GCLC: variants seen among roughly 807,000 people sequenced by gnomAD.
GCLC encodes the protein glutamate-cysteine ligase catalytic subunit, also known as glutamate--cysteine ligase catalytic subunit.
Under a neutral mutation model 81.5 loss-of-function variants are expected in GCLC, and 30 were observed. The observed-to-expected ratio is 0.37, with a 90% CI of 0.28 to 0.50. The LOEUF is 0.50. GCLC is among the 20% of genes least tolerant of loss of function. GCLC has a pLI of 0.96. For missense variants in GCLC, 556 were observed against 777.4 expected, an observed-to-expected ratio of 0.72 and a Z score of 3.39; for synonymous variants, 262 against 273.3, an observed-to-expected ratio of 0.96 and a Z score of 0.41.
At chr6:53,517,266 T>G (rs1444057635) in intron 3 of GCLC, among the ~76,000 whole-genome samples, 1 of 134,272 alleles carries the variant, frequency 7.4e-6, no homozygotes, top group Non-Finnish European at 1.6e-5. Context: ...TTTTTTTTTT[T>G]TTTTTTTTTT....
At position 53,544,752 on chromosome 6, in the gene GCLC, C is replaced by T; in HGVS notation, c.-107G>A. ...CGCAGAAGGCGGCTGCCGCTCCACC[C>T]CGCGGGGGCGCTCTCGGGCCGCAGT... On this transcript the variant is annotated 5_prime_UTR_variant, in exon 1 of 16. Coordinates refer to ENST00000650454, the MANE Select transcript of GCLC (RefSeq NM_001498.4). The T allele has an allele frequency of 8.8e-7, 1 of 1,130,054 alleles. No homozygotes were observed. The highest frequency in any genetic ancestry group is 1.2e-6 in the Non-Finnish European group (1 of 827,468). 70.0% of individuals were successfully genotyped at this position (1,130,054 alleles called of 1,614,324 possible).
chr6:53,536,020 G>C (rs1763251423), intron 1 of GCLC, among the ~76,000 whole-genome samples: 1 of 152,110 alleles, frequency 6.6e-6, no homozygotes, highest in Admixed American at 6.5e-5. Flanking sequence ...TTTTATAATA[G>C]TGAAAAACTG....
chr6:53,515,110 G>A (rs923571683), intron 4 of GCLC, among the ~76,000 whole-genome samples: 1 of 152,202 alleles, frequency 6.6e-6, no homozygotes, highest in Non-Finnish European at 1.5e-5. Context: ...GTGAGTAAAG[G>A]ATTACATGGA....
chr6:53,529,339 A>G (rs1763134833), intron 1 of GCLC, among the ~76,000 whole-genome samples: 1 of 152,194 alleles, frequency 6.6e-6, no homozygotes, highest in Admixed American at 6.5e-5. Context: ...TTTTAAAAAC[A>G]TCATGCTACC....
At chr6:53,534,586 G>T (rs566473614) in intron 1 of GCLC, among the ~76,000 whole-genome samples, 3 of 152,144 alleles carry the variant, frequency 2.0e-5, no homozygotes, top group African/African-American at 7.2e-5. Context: ...GGGAAAATCA[G>T]TGGGCCCTAC....
Position 53,506,766 on chromosome 6 carries a change from G to C in GCLC, c.1197+147C>G, listed in dbSNP as rs533787911. ...TCTTTACTGCACTGGGTAAATGAAA[G>C]TCTTATGAAATTTCTTTTGTGTTCT... is the stretch of plus-strand genomic sequence containing the variant. On this transcript the variant is annotated intron_variant, in intron 10 of 15. Transcript: ENST00000650454. The surrounding 1 kb of genome is among the most constrained non-coding windows in gnomAD (Gnocchi z 4.0). 79 of 655,448 alleles carry C rather than the reference G, an allele frequency of 1.2e-4. No individual in the cohort carries two copies. The African/African-American group carries it at 1.4e-3, about 12-fold the overall frequency. The allele number at this position is 655,448 out of a possible 1,614,324, so 40.6% of individuals were successfully genotyped here.
At chr6:53,525,408 T>C (rs919449248) in intron 1 of GCLC, among the ~76,000 whole-genome samples, 1 of 152,214 alleles carries the variant, frequency 6.6e-6, no homozygotes, top group African/African-American at 2.4e-5. Context: ...AGTGATACAT[T>C]AAGACAACGA....
At chr6:53,527,075 G>A (rs764725135) in intron 1 of GCLC, among the ~76,000 whole-genome samples, 4 of 152,100 alleles carry the variant, frequency 2.6e-5, no homozygotes, top group African/African-American at 4.8e-5. Flanking sequence ...GCCCTTCAGG[G>A]ACTATGAGCT....
intron 7 of GCLC, 137 bp downstream of exon 7, chr6:53,509,039 C>G: frequency 1.5e-6 from 1 of 682,856 alleles, no homozygotes; most frequent in South Asian, 1.6e-5. Flanking sequence ...TATACCTAAA[C>G]CTACATACTA....
intron 2 of GCLC, among the ~76,000 whole-genome samples, chr6:53,521,318 C>T (rs1267508573): frequency 2.0e-5 from 3 of 152,028 alleles, no homozygotes; most frequent in African/African-American, 7.2e-5. Flanking sequence ...CCACACCTGG[C>T]TAATTTTTGT....
At chr6:53,522,609 ACGTG>A (rs1763018144) in intron 1 of GCLC, 82 bp from the exon 2 acceptor site, 9 of 832,022 alleles carry the variant, frequency 1.1e-5, no homozygotes, top group African/African-American at 1.7e-5. Flanking sequence ...AGGCAGGGAA[ACGTG>A]AAGTCTGTAA....
chr6:53,520,965 G>A lies in GCLC; in HGVS notation c.264-5C>T, dbSNP rs537986974. The A allele has an allele frequency of 8.8e-5, 141 of 1,608,474 alleles. No individual in the cohort carries two copies. Among genetic ancestry groups the A allele is most frequent in the Non-Finnish European group, 1.1e-4 (132 of 1,174,836 alleles). The stretch of plus-strand genomic sequence containing the variant: ...GGTCTCCAAAGGGTAGGATGGCTAC[G>A]GAGGAGAAATAACTTAGTTCCATCT... On this transcript the variant is annotated splice_region_variant and splice_polypyrimidine_tract_variant and intron_variant, in intron 2 of 15. Transcript: ENST00000650454.
intron 6 of GCLC, among the ~76,000 whole-genome samples, chr6:53,512,799 A>G (rs1351239499): frequency 6.6e-6 from 1 of 152,238 alleles, no homozygotes; most frequent in Non-Finnish European, 1.5e-5. Flanking sequence ...TTGGAACCAT[A>G]TCAGAGAAAC....
Position 53,505,511 on chromosome 6 carries a change from G to C in GCLC, c.1291-15C>G, listed in dbSNP as rs1376324474. The C allele has an allele frequency of 7.3e-7, 1 of 1,366,704 alleles. No homozygotes were observed. The highest frequency in any genetic ancestry group is 1.4e-5 in the African/African-American group (1 of 70,028). 84.7% of individuals were successfully genotyped at this position (1,366,704 alleles called of 1,614,324 possible). A position where few individuals can be genotyped will look rare whatever the true frequency, so the allele number is the denominator to read the frequency against. ...GTTAATTGCACCTAGACAAGCAGAA[G>C]CCCAGAGAAGTTATGAACCAACTAC... On this transcript the variant is annotated splice_polypyrimidine_tract_variant and intron_variant, in intron 11 of 15. Transcript: ENST00000650454.
intron 2 of GCLC, 90 bp downstream of exon 2, chr6:53,522,325 G>C: frequency 5.0e-6 from 4 of 805,434 alleles, no homozygotes; most frequent in Non-Finnish European, 8.8e-6. Context: ...TAACTGTTAG[G>C]CTATCCTGCC....
rs1764481764 is a variant in GCLC at position 53,500,236 on chromosome 6, C to T, written c.1581+11G>A. ...CACAGTGAGGGGTACTGTACAGGGC[C>T]ACCCTCCTACCTTCCCATTGATGAT... is the stretch of plus-strand genomic sequence containing the variant. On this transcript the variant is annotated intron_variant, in intron 14 of 15. Coordinates refer to ENST00000650454, the MANE Select transcript of GCLC (RefSeq NM_001498.4). 1 of 1,613,060 alleles carries T rather than the reference C, an allele frequency of 6.2e-7. No individual in the cohort carries two copies.
chr6:53,526,563 C>T (rs1175856727), intron 1 of GCLC, among the ~76,000 whole-genome samples: 1 of 151,960 alleles, frequency 6.6e-6, no homozygotes, highest in East Asian at 1.9e-4. Context: ...CTTTGGGAGG[C>T]CGAGGCGGGC....
intron 1 of GCLC, among the ~76,000 whole-genome samples, chr6:53,524,183 T>A (rs917538510): frequency 1.3e-5 from 2 of 152,214 alleles, no homozygotes; most frequent in Non-Finnish European, 2.9e-5. Flanking sequence ...AAACCCAGCA[T>A]GCAAAAGCAG....
At chr6:53,534,020 C>T (rs558793943) in intron 1 of GCLC, among the ~76,000 whole-genome samples, 11 of 152,234 alleles carry the variant, frequency 7.2e-5, no homozygotes, top group South Asian at 4.1e-4. Flanking sequence ...GTCTTGAACT[C>T]CTGACCTCAA....
Sources: allele counts gnomAD v4.1 joint callset (sites outside exome capture counted in the v4.1 genomes callset), GRCh38; gene constraint gnomAD v4.1.1; non-coding constraint Gnocchi (gnomAD v3.1); transcripts MANE v1.5; gene names NCBI Gene and HGNC (gene_info 2026-07-23, HGNC 2026-07-21).